Variants in CREB3L3 observed in about 807,000 individuals in gnomAD.
CREB3L3 encodes the protein cAMP responsive element binding protein 3 like 3, also known as cyclic AMP-responsive element-binding protein 3-like protein 3.
Under a neutral mutation model 44.6 loss-of-function variants are expected in CREB3L3, and 40 were observed. That is an observed-to-expected ratio of 0.90 (90% confidence interval 0.70 to 1.17). The LOEUF (loss-of-function observed/expected upper bound fraction) is 1.17, where lower values mean the gene tolerates loss of function less well. CREB3L3 is among the 50% of genes most tolerant of loss of function. The pLI, the probability that CREB3L3 is intolerant of heterozygous loss-of-function variation, is 0.00. For missense variants in CREB3L3, 578 were observed against 595.8 expected (o/e 0.97, Z 0.31); for synonymous variants, 273 against 256.3 (o/e 1.06, Z -0.62).
At chr19:4,158,103 G>C (rs929375092) in intron 3 of CREB3L3, among the ~76,000 whole-genome samples, 1 of 152,052 alleles carries the variant, frequency 6.6e-6, no homozygotes, top group Non-Finnish European at 1.5e-5. Flanking sequence ...CATTCCCGGC[G>C]GGCCAGGCAG....
intron 3 of CREB3L3, among the ~76,000 whole-genome samples, chr19:4,157,691 A>G (rs956632404): frequency 2.0e-5 from 3 of 151,170 alleles, no homozygotes; most frequent in Non-Finnish European, 4.4e-5. Context: ...TTTTTTATTT[A>G]TTTTTATTTT....
chr19:4,154,525 G>A (rs1447374374), intron 1 of CREB3L3, among the ~76,000 whole-genome samples: 2 of 151,938 alleles, frequency 1.3e-5, no homozygotes, highest in African/African-American at 2.4e-5. Context: ...GTGTGCCACC[G>A]CAGCCAGCTA....
chr19:4,170,041 G>A, intron 6 of CREB3L3, 99 bp from the exon 7 acceptor site: 2 of 1,179,654 alleles, frequency 1.7e-6, no homozygotes, highest in Non-Finnish European at 2.5e-6. Flanking sequence ...CTGGCCTTGG[G>A]TTCTCTTGGC....
chr19:4,167,881 T>A (rs1246999253), intron 5 of CREB3L3, among the ~76,000 whole-genome samples: 1 of 152,006 alleles, frequency 6.6e-6, no homozygotes, highest in African/African-American at 2.4e-5. Flanking sequence ...GGGGTGAAGT[T>A]GTGGGGTCGA....
chr19:4,164,763 C>A, intron 5 of CREB3L3, 123 bp downstream of exon 5: 2 of 1,171,172 alleles, frequency 1.7e-6, no homozygotes, highest in South Asian at 1.3e-5. Context: ...GGCTGGGATG[C>A]AGTGGCACGA....
intron 4 of CREB3L3, among the ~76,000 whole-genome samples, chr19:4,163,669 C>CA (rs2041690154): frequency 6.6e-6 from 1 of 150,688 alleles, no homozygotes. Context: ...CGTGCCACCA[C>CA]ACCAGGCTGA....
chr19:4,160,930 G>A (rs1313832412), intron 4 of CREB3L3, among the ~76,000 whole-genome samples: 1 of 51,412 alleles, frequency 1.9e-5, no homozygotes, highest in Non-Finnish European at 3.9e-5. Context: ...TTTTTTTTTT[G>A]AGACGGAGTC....
rs556540210 is a variant in CREB3L3 at position 4,169,617 on chromosome 19, G to A, written c.822-523G>A. On this transcript the variant is annotated intron_variant, in intron 6 of 9. Transcript: ENST00000078445. ...TTTTTTTTTTTTTTTTTGACACAGA[G>A]TTTCATTCTTGTTGCCCAGGCTGGA... 6.6e-5 allele frequency among the ~76,000 whole-genome samples: 8 copies of A among 120,488 alleles called. No individual in the cohort carries two copies. The East Asian group carries it at 1.0e-3, about 16-fold the overall frequency. 79.0% of individuals were successfully genotyped at this position (120,488 alleles called of 152,430 possible). A position where few individuals can be genotyped will look rare whatever the true frequency, so the allele number is the denominator to read the frequency against.
chr19:4,167,929 G>A (rs566109143), intron 5 of CREB3L3, among the ~76,000 whole-genome samples: 6 of 151,942 alleles, frequency 3.9e-5, no homozygotes, highest in East Asian at 1.9e-4. Context: ...GGGGACTGTC[G>A]CACCATCCCC....
chr19:4,168,899 A>T (rs1466601285), intron 6 of CREB3L3, among the ~76,000 whole-genome samples: 1 of 151,838 alleles, frequency 6.6e-6, no homozygotes. Flanking sequence ...CGCCCAGCTA[A>T]TTTCTTTGTA....
Position 4,171,397 on chromosome 19 carries a change from C to T in CREB3L3, c.990C>T (p.Ser330=). ...GTCTCCACCAGGTCCTGTTGCTGTCCTTTGCCCTCATCATCCTCCCCTCCA... is the reference window on the plus strand; with the variant it reads ...GTCTCCACCAGGTCCTGTTGCTGTCTTTTGCCCTCATCATCCTCCCCTCCA... The part of the protein sequence containing the change: ...TGTCVAVLLL[S]FALIILPSIS... The change falls in exon 9 of 10, where the codon TCC becomes TCT. Residue 330 remains serine (S), a synonymous_variant. Transcript: ENST00000078445. This position sits in a 1 kb window ranked among gnomAD's most constrained non-coding sequence, Gnocchi z 4.9. The T allele has an allele frequency of 6.2e-7, 1 of 1,614,116 alleles. No homozygotes were observed. The highest frequency in any genetic ancestry group is 8.5e-7 in the Non-Finnish European group (1 of 1,179,998).
rs781370342 is a variant in CREB3L3, at chr19:4,170,192, C to T, written c.874C>T (p.Leu292Phe). The change falls in exon 7 of 10, where the codon CTC becomes TTC. Residue 292 changes from leucine (L) to phenylalanine (F), a missense_variant. Transcript: ENST00000078445. ...NQELQRKVLH[L>F]EKQNLSLLEQ... is the part of the protein sequence containing the mutation. ...GGAGTTACAGAGGAAAGTCTTGCAT[C>T]TCGAGAAGCAAAACCTGTGAGTCTG... is the stretch of plus-strand genomic sequence containing the variant. The T allele has an allele frequency of 1.9e-6, 3 of 1,614,020 alleles. No individual in the cohort carries two copies. Among genetic ancestry groups the T allele is most frequent in the East Asian group, 2.2e-5 (1 of 44,896 alleles).
intron 4 of CREB3L3, among the ~76,000 whole-genome samples, chr19:4,163,344 GAAAGAAA>G (rs1599338165): frequency 6.7e-6 from 1 of 150,204 alleles, no homozygotes; most frequent in Admixed American, 6.7e-5. Context: ...AAGAAAGAAA[GAAAGAAA>G]GAAGGAAGGA....
intron 4 of CREB3L3, among the ~76,000 whole-genome samples, chr19:4,160,127 C>A (rs554340565): frequency 6.6e-6 from 1 of 151,882 alleles, no homozygotes; most frequent in East Asian, 2.0e-4. Context: ...GAAACCCCAT[C>A]TATACAAAAA....
intron 1 of CREB3L3, among the ~76,000 whole-genome samples, 176 bp from the exon 2 acceptor site, chr19:4,154,723 A>G (rs1171272305): frequency 6.6e-6 from 1 of 152,148 alleles, no homozygotes; most frequent in Non-Finnish European, 1.5e-5. Context: ...AATTCTCTCT[A>G]TCAGCCTCAA....
At chr19:4,164,330 T>C (rs2041698344) in intron 4 of CREB3L3, 173 bp from the exon 5 acceptor site, 1 of 761,776 alleles carries the variant, frequency 1.3e-6, no homozygotes, top group Admixed American at 2.0e-5. Flanking sequence ...CTGGTCTCGA[T>C]CTCCTGAGCT....
chr19:4,153,903 G>C (rs1599327337), intron 1 of CREB3L3, 129 bp downstream of exon 1: 1 of 1,094,992 alleles, frequency 9.1e-7, no homozygotes, highest in Non-Finnish European at 1.4e-6. Flanking sequence ...CCAGAGAAAG[G>C]ATGCAATGAG....
Position 4,171,086 on chromosome 19 carries a change from C to G in CREB3L3, c.891-5C>G. ...GCTCAGCGGAGGCCTGCCTGTCTCT[C>G]TAAGGTCCCTCTTGGAGCAACTGAA... On this transcript the variant is annotated splice_region_variant and splice_polypyrimidine_tract_variant and intron_variant, in intron 7 of 9. Transcript: ENST00000078445. This position sits in a 1 kb window ranked among gnomAD's most constrained non-coding sequence, Gnocchi z 4.9. 1.2e-6 allele frequency: 2 copies of G among 1,613,484 alleles called. No individual in the cohort carries two copies.
intron 7 of CREB3L3, among the ~76,000 whole-genome samples, chr19:4,170,554 G>A (rs1042122880): frequency 2.6e-5 from 4 of 151,910 alleles, no homozygotes; most frequent in Non-Finnish European, 4.4e-5. Context: ...GGAGGTTGCC[G>A]TGAGCCGAGA....
Sources: gnomAD v4.1 joint callset for allele counts (sites outside exome capture counted in the v4.1 genomes callset) on GRCh38, gnomAD v4.1.1 for gene constraint, Gnocchi (gnomAD v3.1) non-coding constraint, MANE v1.5 for transcripts, NCBI Gene and HGNC (gene_info 2026-07-23, HGNC 2026-07-21) for gene names.